The following ZNF385D variants were observed in gnomAD, a reference collection of about 807,000 sequenced individuals.
ZNF385D encodes the protein zinc finger protein 659.
ZNF385D carries 15 observed loss-of-function variants against 35.8 expected under a neutral mutation model. The observed-to-expected ratio is 0.42, with a 90% confidence interval of 0.28 to 0.64. The LOEUF (loss-of-function observed/expected upper bound fraction) is 0.64. Ranked by LOEUF, ZNF385D falls within the 30% of genes least tolerant of loss-of-function variation. The pLI is 0.23. For synonymous variants in ZNF385D, 212 were observed against 186.8 expected, an observed-to-expected ratio of 1.13 and a Z score of -1.10; for missense variants, 474 against 494.6, an observed-to-expected ratio of 0.96 and a Z score of 0.39.
intron 3 of ZNF385D, among the ~76,000 whole-genome samples, chr3:22,146,051 C>T (rs1053731417): frequency 2.0e-5 from 3 of 152,054 alleles, no homozygotes; most frequent in African/African-American, 7.2e-5. Flanking sequence ...CACAACACAT[C>T]CGCAGGGCCC....
At chr3:21,606,432 T>C (rs2064486218) in intron 2 of ZNF385D, among the ~76,000 whole-genome samples, 1 of 152,204 alleles carries the variant, frequency 6.6e-6, no homozygotes, top group African/African-American at 2.4e-5. Context: ...ACAGAATGTA[T>C]ATGAAATACT....
intron 2 of ZNF385D, among the ~76,000 whole-genome samples, chr3:22,257,911 C>T (rs995760941): frequency 2.0e-5 from 3 of 151,794 alleles, no homozygotes; most frequent in Non-Finnish European, 4.4e-5. Context: ...GTTACCAATG[C>T]TACAAAATAT....
intron 3 of ZNF385D, among the ~76,000 whole-genome samples, chr3:22,036,740 T>G (rs1384420964): frequency 2.0e-5 from 3 of 151,562 alleles, no homozygotes; most frequent in Non-Finnish European, 4.4e-5. Flanking sequence ...ACTCTAAGTT[T>G]TAGGGTACAT....
intron 3 of ZNF385D, among the ~76,000 whole-genome samples, chr3:21,892,347 A>ACTG (rs1405066936): frequency 3.9e-5 from 6 of 152,192 alleles, no homozygotes; most frequent in Non-Finnish European, 7.3e-5. Flanking sequence ...ATAGCAAATG[A>ACTG]CTGCCTCAGG....
intron 2 of ZNF385D, among the ~76,000 whole-genome samples, chr3:21,635,105 A>C (rs2065390265): frequency 6.6e-6 from 1 of 152,088 alleles, no homozygotes. Context: ...TCACAGAAAG[A>C]GAGATTTCTT....
chr3:22,080,602 T>TC lies in ZNF385D; in HGVS notation c.325+88214_325+88215insG, dbSNP rs933882381. Among the ~76,000 whole-genome samples, 116 of 152,090 alleles carry TC rather than the reference T, an allele frequency of 7.6e-4. 1 individual carries two copies. The highest frequency in any genetic ancestry group is 2.6e-3 in the African/African-American group (108 of 41,552). The stretch of plus-strand genomic sequence containing the variant: ...TTTTATATATAAAAAATTTTATATT[T>TC]TATATACAAAATATACATTTCCGTA... On this transcript the variant is annotated intron_variant, in intron 3 of 5. Coordinates refer to the ZNF385D transcript ENST00000494108.
intron 3 of ZNF385D, among the ~76,000 whole-genome samples, chr3:21,527,245 T>A (rs1377776811): frequency 6.6e-6 from 1 of 152,198 alleles, no homozygotes; most frequent in Non-Finnish European, 1.5e-5. Flanking sequence ...ACACTGTGCA[T>A]ACTGTTACAG....
At chr3:21,778,881 G>C (rs529829580) in intron 3 of ZNF385D, among the ~76,000 whole-genome samples, 1 of 151,978 alleles carries the variant, frequency 6.6e-6, no homozygotes, top group Admixed American at 6.6e-5. Flanking sequence ...CTGGCACATA[G>C]TCTGGAACAT....
At chr3:22,075,397 A>AACACT (rs1426727348) in intron 3 of ZNF385D, among the ~76,000 whole-genome samples, 1 of 151,850 alleles carries the variant, frequency 6.6e-6, no homozygotes, top group Non-Finnish European at 1.5e-5. Context: ...TCCTATTCTC[A>AACACT]ACACTCCATT....
intron 3 of ZNF385D, among the ~76,000 whole-genome samples, chr3:22,101,509 A>C (rs1312149880): frequency 6.6e-6 from 1 of 152,062 alleles, no homozygotes; most frequent in Non-Finnish European, 1.5e-5. Flanking sequence ...TTTAAACGTT[A>C]ATCTAAATGA....
In ZNF385D at chr3:21,851,665, G is replaced by T. The variant is rs115497619; in HGVS notation, c.326-186637C>A. ...TGTGATTAATAATAGCTGATTAAAA[G>T]AACATAAAATGATAAATTTTATGAA... On this transcript the variant is annotated intron_variant, in intron 3 of 5. Transcript: ENST00000494108. Among the ~76,000 whole-genome samples, 579 of 151,996 alleles carry T rather than the reference G, an allele frequency of 3.8e-3. 3 individuals are homozygous for T. Among genetic ancestry groups the T allele is most frequent in the African/African-American group, 0.014 (563 of 41,528 alleles).
At chr3:21,640,184 C>T (rs552573807) in intron 2 of ZNF385D, among the ~76,000 whole-genome samples, 299 of 152,144 alleles carry the variant, frequency 2.0e-3, no homozygotes, top group Middle Eastern at 3.4e-3. Flanking sequence ...TAGAACTGGT[C>T]CTCTCAAGCT....
intron 3 of ZNF385D, among the ~76,000 whole-genome samples, chr3:21,873,036 T>A (rs1005221125): frequency 3.3e-5 from 5 of 152,152 alleles, no homozygotes; most frequent in African/African-American, 1.2e-4. Flanking sequence ...AGGTTCGGCA[T>A]CATATAATAA....
At chr3:21,475,159 T>C (rs573825569) in intron 4 of ZNF385D, among the ~76,000 whole-genome samples, 93 of 152,196 alleles carry the variant, frequency 6.1e-4, no homozygotes, top group African/African-American at 2.2e-3. Context: ...AATTTTTGAA[T>C]TATTTATGTT....
rs532217471 is a variant in ZNF385D, at chr3:21,930,248, G to A, written c.325+238569C>T. On this transcript the variant is annotated intron_variant, in intron 3 of 5. Transcript: ENST00000494108. Reference sequence around the variant, plus strand: ...AACTATAGGGTATCTACATGCAAAAGTAAAGTTGAACACTTTTTTTATACT... The same window carrying A: ...AACTATAGGGTATCTACATGCAAAAATAAAGTTGAACACTTTTTTTATACT... Among the ~76,000 whole-genome samples, 18 of 146,358 alleles carry A rather than the reference G, an allele frequency of 1.2e-4. 1 individual carries two copies. In the East Asian group the frequency reaches 2.9e-3, roughly 24 times the overall value.
chr3:22,033,894 C>T (rs1698158712), intron 3 of ZNF385D, among the ~76,000 whole-genome samples: 1 of 152,172 alleles, frequency 6.6e-6, no homozygotes, highest in South Asian at 2.1e-4. Context: ...CCAATTCATC[C>T]TACTTCACCC....
chr3:21,924,451 AC>A (rs1020715677), intron 3 of ZNF385D, among the ~76,000 whole-genome samples: 32 of 152,324 alleles, frequency 2.1e-4, no homozygotes, highest in African/African-American at 7.5e-4. Context: ...AAGAGGGGCA[AC>A]CTAGTATCAC....
upstream of ZNF385D, among the ~76,000 whole-genome samples, chr3:21,753,727 A>C (rs2070208874): frequency 6.6e-6 from 1 of 151,344 alleles, no homozygotes; most frequent in Non-Finnish European, 1.5e-5. Flanking sequence ...AAACTATTTT[A>C]TTTATTTGTA....
intron 2 of ZNF385D, among the ~76,000 whole-genome samples, chr3:22,320,917 AG>A (rs1394598065): frequency 6.6e-6 from 1 of 151,926 alleles, no homozygotes; most frequent in African/African-American, 2.4e-5. Flanking sequence ...TTAATTGCTT[AG>A]ATGATTGTTA....
Sources: gnomAD v4.1 joint callset for allele counts (sites outside exome capture counted in the v4.1 genomes callset) on GRCh38, gnomAD v4.1.1 for gene constraint, MANE v1.5 for transcripts, NCBI Gene and HGNC (gene_info 2026-07-23, HGNC 2026-07-21) for gene names.